BICD1: variants seen among roughly 807,000 people sequenced by gnomAD.
BICD1 encodes the protein protein bicaudal D homolog 1.
A neutral mutation model predicts 92.5 loss-of-function variants in BICD1; 35 were observed. That is an observed-to-expected ratio of 0.38 (90% confidence interval 0.29 to 0.50). BICD1 has a LOEUF of 0.50. Among genes scored for constraint, BICD1 ranks in the 20% least tolerant of loss-of-function variants. BICD1 has a pLI of 0.93. For synonymous variants in BICD1, 429 were observed against 465.1 expected (o/e 0.92, Z 1.00); for missense variants, 950 against 1,189.8 (o/e 0.80, Z 2.97).
At chr12:32,274,546 A>T (rs1947228736) in intron 2 of BICD1, among the ~76,000 whole-genome samples, 2 of 152,172 alleles carry the variant, frequency 1.3e-5, no homozygotes, top group Admixed American at 1.3e-4. Context: ...GAAAATAATA[A>T]AGCAATATAT....
intron 1 of BICD1, among the ~76,000 whole-genome samples, chr12:32,139,440 A>T (rs568668909): frequency 8.1e-4 from 124 of 152,284 alleles, no homozygotes; most frequent in African/African-American, 2.9e-3. Context: ...CCATGTCCCT[A>T]AACTAGATAA....
intron 9 of BICD1, among the ~76,000 whole-genome samples, chr12:32,373,643 C>T (rs991516519): frequency 2.0e-5 from 3 of 151,456 alleles, no homozygotes; most frequent in Admixed American, 6.6e-5. Flanking sequence ...GAGGCTGAGG[C>T]GGGTGGATCA....
intron 8 of BICD1, among the ~76,000 whole-genome samples, chr12:32,361,918 G>A (rs1939344344): frequency 6.6e-6 from 1 of 152,190 alleles, no homozygotes; most frequent in Non-Finnish European, 1.5e-5. Context: ...CACTCACATG[G>A]TGCTCACCAG....
chr12:32,365,676 C>T (rs1274420554), intron 8 of BICD1, among the ~76,000 whole-genome samples: 1 of 152,318 alleles, frequency 6.6e-6, no homozygotes, highest in Non-Finnish European at 1.5e-5. Flanking sequence ...GTTGACTTAA[C>T]TGCCTGTCTG....
At chr12:32,354,521 T>C (rs941240452) in intron 8 of BICD1, among the ~76,000 whole-genome samples, 6 of 152,248 alleles carry the variant, frequency 3.9e-5, no homozygotes, top group Non-Finnish European at 8.8e-5. Context: ...TAATGGACTT[T>C]GCTGTGTTAA....
chr12:32,217,233 G>A (rs979955926), intron 2 of BICD1, among the ~76,000 whole-genome samples: 2 of 152,150 alleles, frequency 1.3e-5, no homozygotes, highest in African/African-American at 4.8e-5. Context: ...TAGAAGAGAC[G>A]CAGACGTCCT....
At chr12:32,114,624 T>A (rs769454747) in intron 1 of BICD1, among the ~76,000 whole-genome samples, 2 of 152,158 alleles carry the variant, frequency 1.3e-5, no homozygotes, top group Non-Finnish European at 2.9e-5. Context: ...CTAAGGACAG[T>A]CCGCCTGTTT....
Position 32,198,324 on chromosome 12 carries a change from ATCTATC to A in BICD1, c.214-17921_214-17916del, listed in dbSNP as rs1335910047. Among the ~76,000 whole-genome samples, 436 of 57,642 alleles carry A rather than the reference ATCTATC, an allele frequency of 7.6e-3. 20 individuals carry two copies. The highest frequency in any genetic ancestry group is 0.013 in the African/African-American group (243 of 18,076). The allele number at this position is 57,642 out of a possible 152,430, so 37.8% of individuals were successfully genotyped here. On this transcript the variant is annotated intron_variant, in intron 1 of 9. Transcript: ENST00000652176. The stretch of plus-strand genomic sequence containing the variant: ...GGGGATGATTATGGGAATAATATGC[ATCTATC>A]TATATATATATATATATATATATTC...
chr12:32,250,375 G>A (rs561912960), intron 2 of BICD1, among the ~76,000 whole-genome samples: 148 of 152,278 alleles, frequency 9.7e-4, no homozygotes, highest in South Asian at 7.3e-3. Flanking sequence ...TTAGAATGGT[G>A]CCTGGGATAC....
At chr12:32,352,689 T>C (rs968988040) in intron 8 of BICD1, 1 of 151,906 alleles carries the variant, frequency 6.6e-6, no homozygotes, top group African/African-American at 2.4e-5. Flanking sequence ...CTGTGATCAG[T>C]TTGGATCAGA....
intron 1 of BICD1, 48 bp from the exon 2 acceptor site, chr12:32,216,199 T>C: frequency 6.3e-7 from 1 of 1,576,420 alleles, no homozygotes; most frequent in African/African-American, 1.3e-5. Context: ...AAAAGAGGGT[T>C]ATGATGCATT....
intron 1 of BICD1, among the ~76,000 whole-genome samples, chr12:32,133,276 T>G (rs1942621689): frequency 6.6e-6 from 1 of 151,844 alleles, no homozygotes; most frequent in Non-Finnish European, 1.5e-5. Flanking sequence ...TCACCTGAGG[T>G]CAGGAGTTTG....
intron 1 of BICD1, among the ~76,000 whole-genome samples, chr12:32,165,673 A>G (rs1943739412): frequency 8.3e-6 from 1 of 120,454 alleles, no homozygotes; most frequent in Non-Finnish European, 1.7e-5. Flanking sequence ...ACAGAGCCAG[A>G]CTCTGTCTCA....
chr12:32,115,156 CTTTTCTAT>C (rs1207644462), intron 1 of BICD1, among the ~76,000 whole-genome samples: 2 of 152,048 alleles, frequency 1.3e-5, no homozygotes, highest in Non-Finnish European at 2.9e-5. Context: ...TGCACCCAGC[CTTTTCTAT>C]TTTTCATTTC....
At chr12:32,333,210 A>G in intron 5 of BICD1, 1 of 985,210 alleles carries the variant, frequency 1.0e-6, no homozygotes, top group Non-Finnish European at 1.2e-6. Flanking sequence ...AGCTTTTTAA[A>G]CACTAAACAA....
chr12:32,140,586 T>C (rs964695879), intron 1 of BICD1, among the ~76,000 whole-genome samples: 1 of 152,158 alleles, frequency 6.6e-6, no homozygotes, highest in African/African-American at 2.4e-5. Flanking sequence ...GTTCAAGCAA[T>C]TCGCTGCCTC....
At chr12:32,148,514 C>T (rs898677775) in intron 1 of BICD1, among the ~76,000 whole-genome samples, 1 of 152,100 alleles carries the variant, frequency 6.6e-6, no homozygotes, top group African/African-American at 2.4e-5. Flanking sequence ...CATGCAAGAG[C>T]GTCCTCGAGC....
rs140166275 is a variant in BICD1 at position 32,155,681 on chromosome 12, A to G, written c.213+48137A>G. On this transcript the variant is annotated intron_variant, in intron 1 of 9. Transcript: ENST00000652176. ...TTTGTGCCTCAAATTGCCTGAAAGA[A>G]AAAAAGGGAAAATAAGAAAATGCTT... Among the ~76,000 whole-genome samples the G allele has an allele frequency of 6.2e-4, 94 of 152,330 alleles. 2 individuals are homozygous for G. Among genetic ancestry groups the G allele is most frequent in the Admixed American group, 5.2e-4 (8 of 15,302 alleles).
intron 2 of BICD1, among the ~76,000 whole-genome samples, chr12:32,277,121 C>T (rs937122420): frequency 2.0e-5 from 3 of 152,152 alleles, no homozygotes; most frequent in Non-Finnish European, 4.4e-5. Context: ...TGGCCAGGCA[C>T]GGTGGCTCAC....
Sources: gnomAD v4.1 joint callset for allele counts (sites outside exome capture counted in the v4.1 genomes callset) on GRCh38, gnomAD v4.1.1 for gene constraint, MANE v1.5 for transcripts, NCBI Gene and HGNC (gene_info 2026-07-23, HGNC 2026-07-21) for gene names.